Variants in AIG1 observed in about 807,000 individuals in gnomAD.
AIG1 encodes androgen induced 1.
AIG1 carries 23 observed loss-of-function variants against 31.4 expected under a neutral mutation model. The observed-to-expected ratio is 0.73, with a 90% CI of 0.53 to 1.04. The LOEUF (loss-of-function observed/expected upper bound fraction) is 1.04, where lower values mean the gene tolerates loss of function less well. Ranked by LOEUF, AIG1 falls within the 50% of genes least tolerant of loss-of-function variation. AIG1 has a pLI of 0.00. For missense variants in AIG1, 274 were observed against 295.0 expected (o/e 0.93, Z 0.52); for synonymous variants, 100 against 110.5 (o/e 0.90, Z 0.60).
chr6:143,278,605 A>T (rs1797122904), intron 3 of AIG1, among the ~76,000 whole-genome samples: 1 of 151,682 alleles, frequency 6.6e-6, no homozygotes, highest in African/African-American at 2.4e-5. Flanking sequence ...ACTAGCTAGG[A>T]TTACAGGCGC....
At chr6:143,300,875 G>A (rs1256692088) in intron 4 of AIG1, among the ~76,000 whole-genome samples, 1 of 152,170 alleles carries the variant, frequency 6.6e-6, no homozygotes, top group Admixed American at 6.5e-5. Flanking sequence ...CAAATGAGGT[G>A]AGGACAAACT....
At position 143,338,714 on chromosome 6, in the gene AIG1, A is replaced by G. The variant is rs1171938180; in HGVS notation, c.680-925A>G. 5.3e-5 allele frequency: 8 copies of G among 152,168 alleles called. No individual in the cohort carries two copies. The highest frequency in any genetic ancestry group is 1.2e-4 in the Non-Finnish European group (8 of 68,022). 9.4% of individuals were successfully genotyped at this position (152,168 alleles called of 1,614,324 possible). A position where few individuals can be genotyped will look rare whatever the true frequency, so the allele number is the denominator to read the frequency against. ...GCTCCTGCAATGAGACACACACACT[A>G]TGTTAGGTGCTGGGGAACAAAATAG... is the stretch of plus-strand genomic sequence containing the variant. On this transcript the variant is annotated intron_variant, in intron 5 of 5. Transcript: ENST00000357847. This position sits in a 1 kb window ranked among gnomAD's most constrained non-coding sequence, Gnocchi z 4.3.
At position 143,061,085 on chromosome 6, in the gene AIG1, C is replaced by T. The variant is rs1212223493; in HGVS notation, c.141+19C>T. 1.9e-6 allele frequency: 3 copies of T among 1,611,060 alleles called. No individual in the cohort carries two copies. The highest frequency in any genetic ancestry group is 2.5e-6 in the Non-Finnish European group (3 of 1,178,354). ...TGATCTGGTAAGGCCGTCCCCTCCC[C>T]CTGCTCGCCCCGCACCCCGTGCCTG... On this transcript the variant is annotated intron_variant, in intron 1 of 5. Transcript: ENST00000357847.
At position 143,284,716 on chromosome 6, in the gene AIG1, T is replaced by G. The variant is rs1797576368; in HGVS notation, c.515+491T>G. On this transcript the variant is annotated intron_variant, in intron 4 of 5. Transcript: ENST00000357847. The surrounding 1 kb of genome is among the most constrained non-coding windows in gnomAD (Gnocchi z 4.4). Reference sequence around the variant, plus strand: ...AATTAACTGTTACATGGAGAATGCATTAAACTGTTCTGTTTTTAAATATTG... The same window carrying G: ...AATTAACTGTTACATGGAGAATGCAGTAAACTGTTCTGTTTTTAAATATTG... Among the ~76,000 whole-genome samples, 1 of 152,200 alleles carries G rather than the reference T, an allele frequency of 6.6e-6. No homozygotes were observed. Among genetic ancestry groups the G allele is most frequent in the Non-Finnish European group, 1.5e-5 (1 of 68,030 alleles).
At chr6:143,083,665 G>A (rs977613181) in intron 1 of AIG1, among the ~76,000 whole-genome samples, 1 of 152,164 alleles carries the variant, frequency 6.6e-6, no homozygotes, top group Non-Finnish European at 1.5e-5. Context: ...GTTTTACTAG[G>A]CCTTGGGCTT....
chr6:143,225,889 T>C (rs965772846), intron 3 of AIG1, among the ~76,000 whole-genome samples: 2 of 152,238 alleles, frequency 1.3e-5, no homozygotes, highest in Non-Finnish European at 2.9e-5. Flanking sequence ...CTACTCTCTC[T>C]TTTGGCATAT....
intron 3 of AIG1, among the ~76,000 whole-genome samples, chr6:143,190,850 AGG>A (rs1257125001): frequency 6.6e-6 from 1 of 152,196 alleles, no homozygotes; most frequent in African/African-American, 2.4e-5. Context: ...CCATTTCTAG[AGG>A]TCTTGACAAT....
chr6:143,177,102 T>C (rs1788240242), intron 3 of AIG1, among the ~76,000 whole-genome samples: 1 of 152,252 alleles, frequency 6.6e-6, no homozygotes, highest in African/African-American at 2.4e-5. Context: ...CTCAATTTTA[T>C]TTTTATTTCA....
intron 1 of AIG1, among the ~76,000 whole-genome samples, chr6:143,095,584 G>A (rs1562370243): frequency 6.6e-6 from 1 of 152,138 alleles, no homozygotes. Flanking sequence ...GAGTCAAAGA[G>A]AGTAACAGAG....
Position 143,193,940 on chromosome 6 carries a change from G to GA in AIG1, c.399+28764dup, listed in dbSNP as rs570794521. ...CTCCTGATGATTCAGCAAGAAATAGGAAAAAAATAGGGGAAGAAAAAGGAT... is the reference window on the plus strand; with the variant it reads ...CTCCTGATGATTCAGCAAGAAATAGGAAAAAAAATAGGGGAAGAAAAAGGAT... On this transcript the variant is annotated intron_variant, in intron 3 of 5. Coordinates refer to ENST00000357847, the MANE Select transcript of AIG1 (RefSeq NM_016108.4). Among the ~76,000 whole-genome samples, 11 of 152,014 alleles carry GA rather than the reference G, an allele frequency of 7.2e-5. No individual in the cohort carries two copies. In the South Asian group the frequency reaches 1.7e-3, roughly 23 times the overall value.
chr6:143,309,526 A>C (rs76778809), intron 4 of AIG1, among the ~76,000 whole-genome samples: 9,470 of 151,916 alleles, frequency 0.062, 602 homozygotes, highest in East Asian at 0.28. Context: ...AAGAAAAAGC[A>C]GAATCATATA....
intron 3 of AIG1, among the ~76,000 whole-genome samples, chr6:143,247,864 G>C (rs1794722733): frequency 6.6e-6 from 1 of 152,130 alleles, no homozygotes; most frequent in Non-Finnish European, 1.5e-5. Flanking sequence ...GTTAGGACCT[G>C]GTTTGAATCT....
At chr6:143,135,948 T>C (rs1479145693) in intron 1 of AIG1, among the ~76,000 whole-genome samples, 1 of 152,236 alleles carries the variant, frequency 6.6e-6, no homozygotes, top group East Asian at 1.9e-4. Context: ...GTGCAGGGGA[T>C]ACATTTTCTG....
intron 3 of AIG1, among the ~76,000 whole-genome samples, chr6:143,277,087 T>C (rs569362289): frequency 6.6e-6 from 1 of 152,326 alleles, no homozygotes; most frequent in Admixed American, 6.5e-5. Flanking sequence ...TCTCAGTTTT[T>C]CTCATGTCCC....
intron 1 of AIG1, among the ~76,000 whole-genome samples, chr6:143,087,486 A>G (rs1168392190): frequency 6.6e-6 from 1 of 152,240 alleles, no homozygotes; most frequent in African/African-American, 2.4e-5. Flanking sequence ...CAGAGCAGCA[A>G]TGGACGCCTC....
At chr6:143,135,325 C>G (rs1319966422) in intron 1 of AIG1, among the ~76,000 whole-genome samples, 3 of 151,864 alleles carry the variant, frequency 2.0e-5, no homozygotes, top group Non-Finnish European at 2.9e-5. Flanking sequence ...ATTCAAACAT[C>G]TAAAGTCCTA....
chr6:143,338,174 G>T lies in AIG1; in HGVS notation c.680-1465G>T. The T allele has an allele frequency of 2.5e-6, 1 of 396,344 alleles. No individual in the cohort carries two copies. Among genetic ancestry groups the T allele is most frequent in the South Asian group, 1.4e-4 (1 of 7,124 alleles). 24.6% of individuals were successfully genotyped at this position (396,344 alleles called of 1,614,324 possible). On this transcript the variant is annotated intron_variant, in intron 5 of 5. Transcript: ENST00000357847. The surrounding 1 kb of genome is among the most constrained non-coding windows in gnomAD (Gnocchi z 4.3). ...CCTGATAGCTTCTCCACAGGAGAGG[G>T]AATATGGACAGAGCTGAGGTTCAAG...
intron 1 of AIG1, among the ~76,000 whole-genome samples, chr6:143,116,578 T>G (rs954509493): frequency 6.7e-6 from 1 of 150,092 alleles, no homozygotes; most frequent in Non-Finnish European, 1.5e-5. Context: ...GGAGGAGAGG[T>G]GGCATGTTTA....
intron 3 of AIG1, among the ~76,000 whole-genome samples, chr6:143,204,981 A>G (rs1280583260): frequency 6.6e-6 from 1 of 152,102 alleles, no homozygotes; most frequent in African/African-American, 2.4e-5. Flanking sequence ...CCTCATTCTG[A>G]TAATTTTGTT....
Sources: allele counts gnomAD v4.1 joint callset (sites outside exome capture counted in the v4.1 genomes callset), GRCh38; gene constraint gnomAD v4.1.1; non-coding constraint Gnocchi (gnomAD v3.1); transcripts MANE v1.5; gene names NCBI Gene and HGNC (gene_info 2026-07-23, HGNC 2026-07-21).